PRR5: variants seen among roughly 807,000 people sequenced by gnomAD.
The protein encoded by PRR5 is proline rich 5, also known as proline-rich protein 5.
Under a neutral mutation model 30.6 loss-of-function variants are expected in PRR5, and 25 were observed. That is an observed-to-expected ratio of 0.82 (90% CI 0.60 to 1.14). The LOEUF is 1.14. Ranked by LOEUF, PRR5 falls within the 50% of genes most tolerant of loss-of-function variation. PRR5 has a pLI of 0.00. For synonymous variants in PRR5, 286 were observed against 247.1 expected (o/e 1.16, Z -1.48); for missense variants, 600 against 547.1 (o/e 1.10, Z -0.96).
intron 1 of PRR5, among the ~76,000 whole-genome samples, chr22:44,688,932 G>C (rs572569380): frequency 6.6e-6 from 1 of 152,212 alleles, no homozygotes; most frequent in South Asian, 2.1e-4. Flanking sequence ...AGGTTGCAGT[G>C]AGCCGAGATC....
At chr22:44,676,248 G>A (rs952895518), upstream of PRR5, among the ~76,000 whole-genome samples, 5 of 151,296 alleles carry the variant, frequency 3.3e-5, no homozygotes, top group African/African-American at 4.9e-5. Context: ...TGAGTCAGCC[G>A]GGCATGGTGG....
chr22:44,679,724 A>G, intron 1 of PRR5: 1 of 1,255,316 alleles, frequency 8.0e-7, no homozygotes, highest in Non-Finnish European at 1.1e-6. Context: ...TAATAATAAC[A>G]ATAATAGTAA....
chr22:44,719,264 G>A (rs1048431540), intron 2 of PRR5, among the ~76,000 whole-genome samples: 2 of 151,264 alleles, frequency 1.3e-5, no homozygotes, highest in Admixed American at 6.6e-5. Flanking sequence ...TTTATTTTTT[G>A]TAGAGATGAG....
chr22:44,710,013 AC>A (rs897848082), intron 1 of PRR5, among the ~76,000 whole-genome samples: 22 of 151,780 alleles, frequency 1.4e-4, no homozygotes, highest in South Asian at 8.3e-4. Flanking sequence ...CACCACCCTG[AC>A]CCCCTACCCG....
At chr22:44,715,370 G>A (rs1399395154) in intron 2 of PRR5, among the ~76,000 whole-genome samples, 1 of 152,282 alleles carries the variant, frequency 6.6e-6, no homozygotes, top group Admixed American at 6.5e-5. Flanking sequence ...AAGAATACTG[G>A]CAAAATAGGC....
At chr22:44,699,522 C>T (rs1438755865), upstream of PRR5, among the ~76,000 whole-genome samples, 1 of 152,202 alleles carries the variant, frequency 6.6e-6, no homozygotes, top group African/African-American at 2.4e-5. Context: ...GCATTTTCAC[C>T]AGTGGGGTCC....
intron 2 of PRR5, among the ~76,000 whole-genome samples, chr22:44,719,028 T>C (rs1036294627): frequency 1.5e-4 from 23 of 152,142 alleles, no homozygotes; most frequent in African/African-American, 5.5e-4. Flanking sequence ...ATTTTCTTGA[T>C]CCCGTCCTTT....
At chr22:44,722,514 C>T (rs1474518908) in intron 2 of PRR5, among the ~76,000 whole-genome samples, 1 of 152,226 alleles carries the variant, frequency 6.6e-6, no homozygotes, top group Non-Finnish European at 1.5e-5. Context: ...GCCCAGGCCA[C>T]GTCTCTGGGC....
rs1270536508 is a variant in PRR5, at chr22:44,735,169, G to A, written c.691+7G>A. The A allele has an allele frequency of 4.3e-6, 7 of 1,611,364 alleles. No homozygotes were observed. The East Asian group carries it at 1.3e-4, about 31-fold the overall frequency. On this transcript the variant is annotated splice_region_variant and intron_variant, in intron 7 of 7. Coordinates refer to ENST00000336985, the MANE Select transcript of PRR5 (RefSeq NM_181333.4). ...ACCCATTCCTGCATCCTGGGTAGGG[G>A]TCCGCCTGGGCCTTGGGCTGGGGCA...
At chr22:44,685,549 C>G (rs1408470161) in intron 1 of PRR5, among the ~76,000 whole-genome samples, 1 of 147,238 alleles carries the variant, frequency 6.8e-6, no homozygotes, top group African/African-American at 2.7e-5. Context: ...AGCCACACCC[C>G]TCTCGCCAGT....
chr22:44,716,998 T>G (rs1046850432), intron 2 of PRR5, among the ~76,000 whole-genome samples: 1 of 151,680 alleles, frequency 6.6e-6, no homozygotes, highest in East Asian at 1.9e-4. Context: ...GAGGAGGAGG[T>G]TGCAGTGTGT....
intron 4 of PRR5, among the ~76,000 whole-genome samples, chr22:44,727,640 G>A (rs139063187): frequency 6.9e-4 from 105 of 152,268 alleles, no homozygotes; most frequent in African/African-American, 2.4e-3. Flanking sequence ...ACCGGGTCCC[G>A]AACCCATACT....
At chr22:44,682,308 C>T (rs747538767) in intron 1 of PRR5, among the ~76,000 whole-genome samples, 3 of 152,132 alleles carry the variant, frequency 2.0e-5, no homozygotes, top group Non-Finnish European at 4.4e-5. Context: ...TACTCTAATA[C>T]AGGGGATGCC....
chr22:44,680,181 G>C (rs9614554), intron 1 of PRR5, among the ~76,000 whole-genome samples: 12,649 of 152,220 alleles, frequency 0.083, 693 homozygotes, highest in East Asian at 0.27. Context: ...AGGGTCACAG[G>C]GTCCAGGGTT....
At position 44,730,408 on chromosome 22, in the gene PRR5, C is replaced by A. The variant is rs553536957; in HGVS notation, c.323-1322C>A. 83 of 985,372 alleles carry A rather than the reference C, an allele frequency of 8.4e-5. 1 individual carries two copies. The South Asian group carries it at 3.2e-3, about 38-fold the overall frequency. The allele number at this position is 985,372 out of a possible 1,614,324, so 61.0% of individuals were successfully genotyped here. A position where few individuals can be genotyped will look rare whatever the true frequency, so the allele number is the denominator to read the frequency against. On this transcript the variant is annotated intron_variant, in intron 4 of 7. Transcript: ENST00000336985. ...ACTGTGCATCCCTGGACCCAGCAGC[C>A]CTCATCCCAGCTCCGCTCAGTCCAG...
chr22:44,734,844 C>A, intron 6 of PRR5, 183 bp from the exon 7 acceptor site: 1 of 762,620 alleles, frequency 1.3e-6, no homozygotes, highest in Non-Finnish European at 2.1e-6. Context: ...GTGACTCAGG[C>A]CACATGCTCT....
upstream of PRR5, chr22:44,702,183 C>CCCGCCCCGGGGT (rs1555898122): frequency 1.6e-5 from 15 of 938,358 alleles, no homozygotes; most frequent in Middle Eastern, 4.8e-4. Flanking sequence ...CGCCCCTGGG[C>CCCGCCCCGGGGT]CCGCCCCCGG....
At chr22:44,697,348 G>C (rs1402201156), upstream of PRR5, among the ~76,000 whole-genome samples, 4 of 152,174 alleles carry the variant, frequency 2.6e-5, no homozygotes, top group Non-Finnish European at 5.9e-5. Context: ...CTGTGACTGT[G>C]TGTGGATTTT....
intron 2 of PRR5, among the ~76,000 whole-genome samples, chr22:44,722,557 C>T (rs1930097122): frequency 6.6e-6 from 1 of 152,222 alleles, no homozygotes; most frequent in South Asian, 2.1e-4. Context: ...CACCCCATGG[C>T]ATGGTGGGGG....
Sources: gnomAD v4.1 joint callset for allele counts (sites outside exome capture counted in the v4.1 genomes callset) on GRCh38, gnomAD v4.1.1 for gene constraint, MANE v1.5 for transcripts, NCBI Gene and HGNC (gene_info 2026-07-23, HGNC 2026-07-21) for gene names.